The following SCFD2 variants were observed in gnomAD, a reference collection of about 807,000 sequenced individuals.
SCFD2 encodes the protein sec1 family domain-containing protein 2.
A neutral mutation model predicts 58.9 loss-of-function variants in SCFD2; 54 were observed. That is an observed-to-expected ratio of 0.92 (90% confidence interval 0.74 to 1.15). The LOEUF (loss-of-function observed/expected upper bound fraction) is 1.15. SCFD2 is among the 50% of genes most tolerant of loss of function. SCFD2 has a pLI of 0.00. For missense variants in SCFD2, 805 were observed against 836.6 expected (o/e 0.96, Z 0.47); for synonymous variants, 321 against 335.9 (o/e 0.96, Z 0.49).
At chr4:53,179,972 C>A (rs1026972720) in intron 4 of SCFD2, among the ~76,000 whole-genome samples, 8 of 152,110 alleles carry the variant, frequency 5.3e-5, no homozygotes, top group Non-Finnish European at 7.3e-5. Context: ...ATATATGCAC[C>A]CAATACAGGA....
At chr4:53,083,315 T>G (rs13140090) in intron 5 of SCFD2, among the ~76,000 whole-genome samples, 34,030 of 152,050 alleles carry the variant, frequency 0.22, 4,211 homozygotes, top group Non-Finnish European at 0.28. Context: ...GGGCCATTCT[T>G]ATGAGGTCTC....
chr4:52,976,013 G>T (rs1026609792), intron 5 of SCFD2, among the ~76,000 whole-genome samples: 13 of 126,426 alleles, frequency 1.0e-4, no homozygotes, highest in African/African-American at 3.5e-4. Context: ...TCACACACTG[G>T]GGCCTGTTGT....
chr4:52,994,547 G>C (rs1362520885), intron 5 of SCFD2, among the ~76,000 whole-genome samples: 1 of 152,182 alleles, frequency 6.6e-6, no homozygotes, highest in Non-Finnish European at 1.5e-5. Context: ...CCTTGTTTTA[G>C]AGATGAGTAA....
chr4:53,254,134 T>C (rs775188402), intron 4 of SCFD2, among the ~76,000 whole-genome samples: 1 of 152,128 alleles, frequency 6.6e-6, no homozygotes, highest in East Asian at 1.9e-4. Flanking sequence ...AAAAAATAAC[T>C]ATTGAGTACC....
intron 5 of SCFD2, among the ~76,000 whole-genome samples, chr4:52,994,335 G>A (rs780078529): frequency 7.2e-5 from 11 of 152,140 alleles, no homozygotes; most frequent in South Asian, 6.2e-4. Flanking sequence ...AATTATGAGC[G>A]GGGAAGTGGA....
intron 4 of SCFD2, among the ~76,000 whole-genome samples, chr4:53,259,408 T>C (rs1239874335): frequency 6.6e-6 from 1 of 152,204 alleles, no homozygotes; most frequent in Non-Finnish European, 1.5e-5. Context: ...AGGTGAGAGA[T>C]GAGGATCCAG....
intron 4 of SCFD2, among the ~76,000 whole-genome samples, chr4:53,256,661 G>A (rs1171904721): frequency 2.0e-5 from 3 of 152,052 alleles, no homozygotes; most frequent in East Asian, 3.9e-4. Context: ...GATCACTCGC[G>A]ATTAGGAGCT....
At chr4:52,882,120 G>A (rs575086371) in intron 8 of SCFD2, among the ~76,000 whole-genome samples, 1 of 152,266 alleles carries the variant, frequency 6.6e-6, no homozygotes, top group South Asian at 2.1e-4. Context: ...AAAAACTGGG[G>A]TTGAGGAGAG....
intron 3 of SCFD2, among the ~76,000 whole-genome samples, chr4:53,292,879 G>A (rs1731890074): frequency 6.6e-6 from 1 of 151,668 alleles, no homozygotes; most frequent in Admixed American, 6.6e-5. Flanking sequence ...GGGGTTGGGG[G>A]GCAAGAGGAG....
chr4:53,056,471 G>A (rs2148836323), intron 5 of SCFD2, among the ~76,000 whole-genome samples: 1 of 152,194 alleles, frequency 6.6e-6, no homozygotes, highest in South Asian at 2.1e-4. Flanking sequence ...GGAAAGAGTA[G>A]ATTTTATAGG....
At chr4:53,350,514 C>G (rs139770766) in intron 2 of SCFD2, among the ~76,000 whole-genome samples, 1 of 152,136 alleles carries the variant, frequency 6.6e-6, no homozygotes, top group South Asian at 2.1e-4. Flanking sequence ...TTTAAAAACC[C>G]TTTATTGCTT....
Position 53,238,402 on chromosome 4 carries a change from G to T in SCFD2, c.1311+35424C>A, listed in dbSNP as rs572034798. ...GACAGGGCGGCTGGCCTGGCGGGGGGCTGACCCCCCTACCTCCCTCCCGGA... is the reference window on the plus strand; with the variant it reads ...GACAGGGCGGCTGGCCTGGCGGGGGTCTGACCCCCCTACCTCCCTCCCGGA... On this transcript the variant is annotated intron_variant, in intron 4 of 8. Coordinates refer to ENST00000401642, the MANE Select transcript of SCFD2 (RefSeq NM_152540.4). 7.5e-3 allele frequency among the ~76,000 whole-genome samples: 1,061 copies of T among 141,886 alleles called. 11 individuals are homozygous for T. The highest frequency in any genetic ancestry group is 0.035 in the Middle Eastern group (8 of 226). The allele number at this position is 141,886 out of a possible 152,430, so 93.1% of individuals were successfully genotyped here.
chr4:53,252,869 A>G (rs1016264892), intron 4 of SCFD2, among the ~76,000 whole-genome samples: 14 of 152,188 alleles, frequency 9.2e-5, no homozygotes, highest in African/African-American at 3.4e-4. Context: ...AATGGCAACA[A>G]AAGCCAAAAT....
At chr4:53,055,868 C>G (rs1723323278) in intron 5 of SCFD2, among the ~76,000 whole-genome samples, 1 of 152,142 alleles carries the variant, frequency 6.6e-6, no homozygotes, top group South Asian at 2.1e-4. Flanking sequence ...TCTCTCCTGA[C>G]TGGCTGCAGT....
At chr4:53,248,194 C>A (rs148181182) in intron 4 of SCFD2, among the ~76,000 whole-genome samples, 1 of 152,194 alleles carries the variant, frequency 6.6e-6, no homozygotes, top group Non-Finnish European at 1.5e-5. Flanking sequence ...CCACTCCCAC[C>A]CAAATACTGC....
intron 5 of SCFD2, among the ~76,000 whole-genome samples, chr4:53,075,681 C>G (rs746006082): frequency 1.6e-4 from 24 of 152,238 alleles, no homozygotes; most frequent in Non-Finnish European, 2.6e-4. Context: ...GATACAGGAA[C>G]AGCCAATTGG....
At chr4:53,096,403 T>C (rs1370838101) in intron 5 of SCFD2, among the ~76,000 whole-genome samples, 4 of 152,160 alleles carry the variant, frequency 2.6e-5, no homozygotes, top group Admixed American at 1.3e-4. Context: ...TTTTAATGAT[T>C]GCCATTCTAA....
At chr4:53,291,648 C>G (rs1418998551) in intron 3 of SCFD2, among the ~76,000 whole-genome samples, 1 of 151,598 alleles carries the variant, frequency 6.6e-6, no homozygotes, top group African/African-American at 2.4e-5. Flanking sequence ...TCATATGGAA[C>G]CAAAAAAGAG....
chr4:53,074,753 T>C (rs1388619235), intron 5 of SCFD2, among the ~76,000 whole-genome samples: 5 of 152,124 alleles, frequency 3.3e-5, no homozygotes, highest in African/African-American at 4.8e-5. Context: ...TTCTCCACAG[T>C]AGGCTTAAAA....
Sources: gnomAD v4.1 joint callset for allele counts (sites outside exome capture counted in the v4.1 genomes callset) on GRCh38, gnomAD v4.1.1 for gene constraint, MANE v1.5 for transcripts, NCBI Gene and HGNC (gene_info 2026-07-23, HGNC 2026-07-21) for gene names.